The following DHRSX variants were observed in gnomAD, a reference collection of about 807,000 sequenced individuals.
The protein encoded by DHRSX is polyprenol dehydrogenase.
In DHRSX, 31 loss-of-function variants were observed where a neutral mutation model predicts 34.0. The observed-to-expected ratio is 0.91, with a 90% CI of 0.69 to 1.23. DHRSX has a LOEUF of 1.23. Ranked by LOEUF, DHRSX falls within the 50% of genes most tolerant of loss-of-function variation. DHRSX has a pLI of 0.00. For synonymous variants in DHRSX, 201 were observed against 183.8 expected (o/e 1.09, Z -0.76); for missense variants, 414 against 428.1 (o/e 0.97, Z 0.29).
Position 2,266,765 on chromosome X carries a change from G to C in DHRSX, c.571C>G (p.Leu191Val), listed in dbSNP as rs773804687. 2 of 1,613,992 alleles carry C rather than the reference G, an allele frequency of 1.2e-6. No homozygotes were observed. The highest frequency in any genetic ancestry group is 1.1e-5 in the South Asian group (1 of 91,080). The change falls in exon 5 of 7, where the codon CTG becomes GTG. Residue 191 changes from leucine (L) to valine (V), a missense_variant. Coordinates refer to ENST00000334651, the MANE Select transcript of DHRSX (RefSeq NM_145177.3). ...CTGCTCTGAAGGTCATCCATGTTCA[G>C]CTCAGCGACGTAATGGGTGGCAGAG... ...VSSATHYVAE[L>V]NMDDLQSSAC... is the part of the protein sequence containing the mutation.
intron 4 of DHRSX, among the ~76,000 whole-genome samples, chrX:2,283,867 AATTC>A (rs902687768): frequency 2.5e-4 from 38 of 151,770 alleles, no homozygotes; most frequent in African/African-American, 7.7e-4. Flanking sequence ...CACTCATTTG[AATTC>A]ATTCATTCAT....
In DHRSX at chrX:2,244,804, C is replaced by T. The variant is rs1384577309; in HGVS notation, c.597-1574G>A. Among the ~76,000 whole-genome samples, 5 of 152,032 alleles carry T rather than the reference C, an allele frequency of 3.3e-5. No homozygotes were observed. In the East Asian group the frequency reaches 5.8e-4, roughly 18 times the overall value. On this transcript the variant is annotated intron_variant, in intron 5 of 6. Transcript: ENST00000334651. ...TCGGCTCACTGCAAGCTCCTCCTCT[C>T]GGGTTCAAGTCATTCTCCTGCCTCA...
At chrX:2,459,497 A>G (rs149995366) in intron 1 of DHRSX, among the ~76,000 whole-genome samples, 5,137 of 150,178 alleles carry the variant, frequency 0.034, 171 homozygotes, top group South Asian at 0.068. Flanking sequence ...TACTTGGATT[A>G]AAACATCATA....
At chrX:2,404,202 C>T (rs1307326371) in intron 3 of DHRSX, among the ~76,000 whole-genome samples, 1 of 151,930 alleles carries the variant, frequency 6.6e-6, no homozygotes, top group East Asian at 1.9e-4. Context: ...ATTCCAGGGC[C>T]CCGCCCCCAC....
At chrX:2,493,701 G>A (rs755502485) in intron 1 of DHRSX, among the ~76,000 whole-genome samples, 16 of 152,202 alleles carry the variant, frequency 1.1e-4, no homozygotes, top group East Asian at 7.7e-4. Context: ...CAGGCACAGC[G>A]GCTCACGCCT....
Position 2,500,875 on chromosome X carries a change from G to T in DHRSX, c.51C>A (p.Gly17=), listed in dbSNP as rs1363252638. ...GCAGCTGCGCCAGGATCACCGCGGC[G>T]CCTACCGCGTAGACCCGCAGGGCCG... ...ARAALRVYAV[G]AAVILAQLLR... Residue 17 remains glycine (G), a synonymous_variant, in exon 1 of 7, where the codon GGC becomes GGA. Transcript: ENST00000334651. The T allele has an allele frequency of 5.4e-5, 63 of 1,157,088 alleles. No homozygotes were observed. The Middle Eastern group carries it at 1.4e-3, about 27-fold the overall frequency. 71.7% of individuals were successfully genotyped at this position (1,157,088 alleles called of 1,614,324 possible). A position where few individuals can be genotyped will look rare whatever the true frequency, so the allele number is the denominator to read the frequency against.
chrX:2,268,456 A>T (rs2041504375), intron 4 of DHRSX, among the ~76,000 whole-genome samples: 1 of 152,268 alleles, frequency 6.6e-6, no homozygotes, highest in African/African-American at 2.4e-5. Context: ...ATGCATACGC[A>T]TTTGTAAATG....
intron 5 of DHRSX, among the ~76,000 whole-genome samples, chrX:2,266,300 C>T (rs1398209013): frequency 2.5e-4 from 20 of 81,242 alleles, no homozygotes; most frequent in Admixed American, 4.5e-4. Flanking sequence ...CAGGGAGCAC[C>T]GTCCCCAGAG....
chrX:2,301,796 G>A (rs763614920), intron 3 of DHRSX, among the ~76,000 whole-genome samples: 44 of 152,108 alleles, frequency 2.9e-4, no homozygotes, highest in African/African-American at 9.4e-4. Flanking sequence ...CCGCCACCAC[G>A]CCTGGCTAAT....
At chrX:2,337,249 G>A (rs2042580650) in intron 3 of DHRSX, among the ~76,000 whole-genome samples, 1 of 152,056 alleles carries the variant, frequency 6.6e-6, no homozygotes, top group Non-Finnish European at 1.5e-5. Flanking sequence ...AAGGATATCA[G>A]GACAGGATCA....
chrX:2,456,336 G>A (rs1346163216), intron 1 of DHRSX, among the ~76,000 whole-genome samples: 1 of 152,098 alleles, frequency 6.6e-6, no homozygotes. Flanking sequence ...GGGTGCGGCC[G>A]GGCGCAGTGG....
intron 6 of DHRSX, among the ~76,000 whole-genome samples, chrX:2,224,747 CACTT>C (rs2015601351): frequency 6.6e-6 from 1 of 152,122 alleles, no homozygotes; most frequent in Non-Finnish European, 1.5e-5. Flanking sequence ...CACACATGCA[CACTT>C]ACTTGCACAT....
At chrX:2,298,602 A>G (rs912682751) in intron 3 of DHRSX, among the ~76,000 whole-genome samples, 488 of 13,706 alleles carry the variant, frequency 0.036, 15 homozygotes, top group African/African-American at 0.051. Flanking sequence ...GCGCGTGTGT[A>G]CACACACACA....
intron 3 of DHRSX, among the ~76,000 whole-genome samples, chrX:2,305,972 C>T (rs1170984657): frequency 2.6e-5 from 4 of 151,622 alleles, no homozygotes; most frequent in South Asian, 4.2e-4. Flanking sequence ...ACATGTACCC[C>T]AGAACTTAAA....
chrX:2,375,248 G>A (rs1402773890), intron 3 of DHRSX, among the ~76,000 whole-genome samples: 1 of 138,192 alleles, frequency 7.2e-6, no homozygotes, highest in East Asian at 2.0e-4. Context: ...CAGTCAGCAG[G>A]TGCGTTCTCA....
intron 3 of DHRSX, among the ~76,000 whole-genome samples, chrX:2,364,329 G>T (rs1350964099): frequency 6.6e-6 from 1 of 152,228 alleles, no homozygotes; most frequent in African/African-American, 2.4e-5. Flanking sequence ...TGTCAAGTGG[G>T]TGGAGCCCAG....
chrX:2,268,122 G>A (rs952600540), intron 4 of DHRSX, among the ~76,000 whole-genome samples: 6 of 152,088 alleles, frequency 3.9e-5, no homozygotes, highest in Non-Finnish European at 5.9e-5. Flanking sequence ...CATCATCACC[G>A]CAGGTTCTGT....
At chrX:2,371,233 C>T (rs774301531) in intron 3 of DHRSX, among the ~76,000 whole-genome samples, 49 of 75,814 alleles carry the variant, frequency 6.5e-4, no homozygotes, top group Admixed American at 2.5e-3. Flanking sequence ...GTAGTCCCTC[C>T]CCATTACCAT....
chrX:2,315,230 A>G (rs1170995370), intron 3 of DHRSX, among the ~76,000 whole-genome samples: 1 of 152,050 alleles, frequency 6.6e-6, no homozygotes, highest in Non-Finnish European at 1.5e-5. Context: ...CTGTCCAAAT[A>G]AACACTATCC....
Sources: allele counts gnomAD v4.1 joint callset (sites outside exome capture counted in the v4.1 genomes callset), GRCh38; gene constraint gnomAD v4.1.1; transcripts MANE v1.5; gene names NCBI Gene and HGNC (gene_info 2026-07-23, HGNC 2026-07-21).